The following MAOB variants were observed in gnomAD, a reference collection of about 807,000 sequenced individuals.
The protein encoded by MAOB is monoamine oxidase B.
MAOB carries 15 observed loss-of-function variants against 41.9 expected under a neutral mutation model. That is an observed-to-expected ratio of 0.36 (90% CI 0.24 to 0.55). The LOEUF is 0.55. Ranked by LOEUF, MAOB falls within the 20% of genes least tolerant of loss-of-function variation. MAOB has a pLI of 0.86. For synonymous variants in MAOB, 167 were observed against 144.2 expected (o/e 1.16, Z -1.13); for missense variants, 345 against 398.7 (o/e 0.87, Z 1.15).
intron 1 of MAOB, among the ~76,000 whole-genome samples, chrX:43,873,600 G>GAC (rs1384961996): frequency 9.0e-6 from 1 of 111,705 alleles, no homozygotes; most frequent in African/African-American, 3.3e-5. Context: ...TGAAAGGTCA[G>GAC]ACCTACCTGA....
intron 1 of MAOB, among the ~76,000 whole-genome samples, chrX:43,856,955 ATT>A (rs201106668): frequency 1.1e-4 from 10 of 95,229 alleles, no homozygotes; most frequent in African/African-American, 3.5e-4. Flanking sequence ...CTACAATTTA[ATT>A]TTTTTTTTTT....
intron 11 of MAOB, among the ~76,000 whole-genome samples, chrX:43,777,149 C>T (rs1569209650): frequency 9.0e-6 from 1 of 111,421 alleles, no homozygotes; most frequent in East Asian, 2.8e-4. Flanking sequence ...GGCGATTCCT[C>T]AGGGATCTAG....
intron 3 of MAOB, among the ~76,000 whole-genome samples, chrX:43,817,010 T>C (rs1375362927): frequency 9.0e-6 from 1 of 111,574 alleles, no homozygotes; most frequent in Non-Finnish European, 1.9e-5. Context: ...TGAGGTCTTC[T>C]AGTGTAGGAT....
rs1426305009 is a variant in MAOB at position 43,803,392 on chromosome X, G to A, written c.292C>T (p.Pro98Ser). Residue 98 changes from proline (P) to serine (S), a missense_variant, in exon 4 of 15, where the codon CCC (proline) becomes TCC (serine). Transcript: ENST00000378069. ...LIHHVKGKSY[P>S]FRGPFPPVWN... ...ACAGGTGGGAATGGCCCCCTGAAGG[G>A]GTATGATTTGCCCTGTGAGATACAA... The A allele has an allele frequency of 8.5e-7, 1 of 1,172,150 alleles. No individual in the cohort carries two copies. Among genetic ancestry groups the A allele is most frequent in the Non-Finnish European group, 1.1e-6 (1 of 882,188 alleles).
chrX:43,792,906 T>G (rs1442697505), intron 8 of MAOB, among the ~76,000 whole-genome samples: 1 of 111,761 alleles, frequency 8.9e-6, no homozygotes, highest in African/African-American at 3.3e-5. Context: ...CTACTCACAA[T>G]AGCAAACATA....
intron 3 of MAOB, among the ~76,000 whole-genome samples, chrX:43,821,180 G>A (rs2034875220): frequency 1.8e-5 from 2 of 111,947 alleles, no homozygotes. Flanking sequence ...GTATGAACTA[G>A]CAGATGACTT....
At position 43,802,193 on chromosome X, in the gene MAOB, A is replaced by G; in HGVS notation, c.455T>C (p.Leu152Pro). 8.3e-7 allele frequency: 1 copy of G among 1,207,927 alleles called. No homozygotes were observed. Residue 152 changes from leucine (L) to proline (P), a missense_variant, in exon 5 of 15, where the codon CTG (leucine) becomes CCG (proline). By Grantham distance (98) the Leu-to-Pro change is moderately conservative. Coordinates refer to ENST00000378069, the MANE Select transcript of MAOB (RefSeq NM_000898.5). Reference protein sequence around the residue: ...EWDNMTMKELLDKLCWTESAK... With the variant: ...EWDNMTMKELPDKLCWTESAK... ...TTACTCAGTCCAGCAGAGCTTGTCC[A>G]GTAGCTCCTTCATTGTCATGTTGTC...
chrX:43,848,543 G>T (rs767894382), intron 1 of MAOB, among the ~76,000 whole-genome samples: 38 of 109,664 alleles, frequency 3.5e-4, no homozygotes, highest in African/African-American at 1.1e-3. Context: ...ATTTTTGTTT[G>T]TTTGTTTTAG....
At chrX:43,875,615 C>T (rs1401386460) in intron 1 of MAOB, among the ~76,000 whole-genome samples, 1 of 111,788 alleles carries the variant, frequency 8.9e-6, no homozygotes, top group Non-Finnish European at 1.9e-5. Context: ...GGGCTGAAAA[C>T]ACTCGTTCTT....
rs2034123870 is a variant in MAOB, at chrX:43,767,343, A to G, written c.*123T>C. ...GTATTTTACAGTCAGAGTTGGATTT[A>G]TCTTCATGCTCCCCGCCTCACTCCA... On this transcript the variant is annotated 3_prime_UTR_variant, in exon 15 of 15. Transcript: ENST00000378069. 5.9e-5 allele frequency: 40 copies of G among 683,728 alleles called. 1 individual carries two copies. In the South Asian group the frequency reaches 1.4e-3, roughly 24 times the overall value. The allele number at this position is 683,728 out of a possible 1,213,427, so 56.3% of individuals were successfully genotyped here. A position where few individuals can be genotyped will look rare whatever the true frequency, so the allele number is the denominator to read the frequency against.
At chrX:43,798,187 C>G (rs900205914) in intron 5 of MAOB, among the ~76,000 whole-genome samples, 1 of 111,466 alleles carries the variant, frequency 9.0e-6, no homozygotes, top group Non-Finnish European at 1.9e-5. Flanking sequence ...TTGCTGTCTC[C>G]CCCCACTAGA....
chrX:43,800,754 T>C (rs2034582890), intron 5 of MAOB, among the ~76,000 whole-genome samples: 1 of 111,893 alleles, frequency 8.9e-6, no homozygotes, highest in African/African-American at 3.2e-5. Flanking sequence ...TGATGTAAAG[T>C]TTTTAAACAT....
chrX:43,814,553 T>G (rs2034785400), intron 3 of MAOB, among the ~76,000 whole-genome samples: 1 of 112,443 alleles, frequency 8.9e-6, no homozygotes, highest in African/African-American at 3.2e-5. Flanking sequence ...CTTGCCCATG[T>G]TATCTTGATA....
intron 5 of MAOB, among the ~76,000 whole-genome samples, chrX:43,798,520 A>G (rs754985062): frequency 2.7e-5 from 3 of 111,884 alleles, no homozygotes; most frequent in Non-Finnish European, 5.6e-5. Flanking sequence ...TTTGCTTGAC[A>G]TTGGCAGGTA....
At chrX:43,779,249 T>G (rs1474729039) in intron 10 of MAOB, among the ~76,000 whole-genome samples, 1 of 111,979 alleles carries the variant, frequency 8.9e-6, no homozygotes, top group Non-Finnish European at 1.9e-5. Flanking sequence ...GGTGGACATT[T>G]TGAACCCACA....
rs188226246 is a variant in MAOB at position 43,777,860 on chromosome X, A to G, written c.1137+822T>C. 2.5e-4 allele frequency among the ~76,000 whole-genome samples: 28 copies of G among 112,193 alleles called. No homozygotes were observed. The East Asian group carries it at 3.9e-3, about 16-fold the overall frequency. On this transcript the variant is annotated intron_variant, in intron 11 of 14. Coordinates refer to ENST00000378069, the MANE Select transcript of MAOB (RefSeq NM_000898.5). Reference sequence around the variant, plus strand: ...TCACTTTCAAAAGGTGACATAGTCTATGTCAAAACATTAAAAACTTAGCAG... The same window carrying G: ...TCACTTTCAAAAGGTGACATAGTCTGTGTCAAAACATTAAAAACTTAGCAG...
Position 43,810,702 on chromosome X carries a change from A to T in MAOB, c.280-7298T>A, listed in dbSNP as rs12394221. ...GAGACCAACAGAACTGACTTGAACC[A>T]GCTCTTCAAAGTAATAGCTGTATGA... On this transcript the variant is annotated intron_variant, in intron 3 of 14. Coordinates refer to ENST00000378069, the MANE Select transcript of MAOB (RefSeq NM_000898.5). Among the ~76,000 whole-genome samples the T allele has an allele frequency of 5.3e-3, 593 of 111,892 alleles. 4 individuals carry two copies. The highest frequency in any genetic ancestry group is 0.018 in the African/African-American group (543 of 30,663).
intron 9 of MAOB, among the ~76,000 whole-genome samples, chrX:43,780,764 C>T (rs2034321915): frequency 8.9e-6 from 1 of 111,864 alleles, no homozygotes; most frequent in Non-Finnish European, 1.9e-5. Flanking sequence ...AGTCCTTGCT[C>T]TTTGGTTTTG....
intron 11 of MAOB, among the ~76,000 whole-genome samples, chrX:43,775,608 G>A (rs1413629332): frequency 9.0e-6 from 1 of 111,583 alleles, no homozygotes; most frequent in Non-Finnish European, 1.9e-5. Flanking sequence ...GTTTTTAAAA[G>A]GATTTATGTT....
Sources: gnomAD v4.1 joint callset for allele counts (sites outside exome capture counted in the v4.1 genomes callset) on GRCh38, gnomAD v4.1.1 for gene constraint, MANE v1.5 for transcripts, NCBI Gene and HGNC (gene_info 2026-07-23, HGNC 2026-07-21) for gene names.